CKAP2L: variants seen among roughly 807,000 people sequenced by gnomAD.
CKAP2L encodes the protein cytoskeleton-associated protein 2-like.
Under a neutral mutation model 65.7 loss-of-function variants are expected in CKAP2L, and 42 were observed. That is an observed-to-expected ratio of 0.64 (90% CI 0.50 to 0.83). The LOEUF is 0.83. Ranked by LOEUF, CKAP2L falls within the 40% of genes least tolerant of loss-of-function variation. CKAP2L has a pLI of 0.00. For missense variants in CKAP2L, 908 were observed against 871.0 expected, an observed-to-expected ratio of 1.04 and a Z score of -0.53; for synonymous variants, 325 against 313.5, an observed-to-expected ratio of 1.04 and a Z score of -0.39.
At chr2:112,739,095 AT>A in intron 8 of CKAP2L, 47 bp from the exon 9 acceptor site, 1 of 1,371,206 alleles carries the variant, frequency 7.3e-7, no homozygotes. Context: ...ATTTAAAAAA[AT>A]TATCTTTATT....
At chr2:112,741,296 T>C (rs1679946074) in intron 7 of CKAP2L, among the ~76,000 whole-genome samples, 1 of 152,022 alleles carries the variant, frequency 6.6e-6, no homozygotes, top group African/African-American at 2.4e-5. Context: ...AGTCTCCTAT[T>C]CACTCTCAAG....
chr2:112,746,800 T>C (rs1680215956), intron 5 of CKAP2L, among the ~76,000 whole-genome samples: 1 of 152,050 alleles, frequency 6.6e-6, no homozygotes, highest in African/African-American at 2.4e-5. Flanking sequence ...TTATTATTTT[T>C]TTTTTGAGAT....
rs1558756930 is a variant in CKAP2L, at chr2:112,746,344, T to C, written c.1758+76A>G. 2.4e-6 allele frequency: 3 copies of C among 1,269,038 alleles called. No individual in the cohort carries two copies. In the East Asian group the frequency reaches 7.0e-5, roughly 30 times the overall value. 78.6% of individuals were successfully genotyped at this position (1,269,038 alleles called of 1,614,324 possible). A position where few individuals can be genotyped will look rare whatever the true frequency, so the allele number is the denominator to read the frequency against. On this transcript the variant is annotated intron_variant, in intron 6 of 8. Transcript: ENST00000302450. ...TATTGATGTTGCAAACTTCTAACCA[T>C]CATATTACAAACAACAACAGAGAAC... is the stretch of plus-strand genomic sequence containing the variant.
At chr2:112,746,794 TA>T (rs1298007115) in intron 5 of CKAP2L, among the ~76,000 whole-genome samples, 12 of 152,028 alleles carry the variant, frequency 7.9e-5, no homozygotes, top group African/African-American at 2.9e-4. Flanking sequence ...TAATAATTAT[TA>T]TTTTTTTTTT....
chr2:112,739,000 T>C lies in CKAP2L; in HGVS notation c.2061A>G (p.Val687=). ...CTCGCTCAATCCTCGACGAACGCCG[T>C]ACAGGAGTGATAAATTTCATGTCTT... ...EVQDMKFITP[V]RRSSRIERAV... Residue 687 remains valine (V), a synonymous_variant, in exon 9 of 9, where the codon GTA becomes GTG. Coordinates refer to ENST00000302450, the MANE Select transcript of CKAP2L (RefSeq NM_152515.5). 1 of 1,614,200 alleles carries C rather than the reference T, an allele frequency of 6.2e-7. No individual in the cohort carries two copies. Among genetic ancestry groups the C allele is most frequent in the Non-Finnish European group, 8.5e-7 (1 of 1,180,034 alleles).
chr2:112,749,101 T>C (rs997216816), intron 5 of CKAP2L, among the ~76,000 whole-genome samples: 2 of 152,336 alleles, frequency 1.3e-5, no homozygotes, highest in African/African-American at 4.8e-5. Flanking sequence ...GTGTACGAAC[T>C]AAATTTGCTT....
chr2:112,764,591 C>G lies in CKAP2L; in HGVS notation c.8G>C (p.Gly3Ala). 6.2e-7 allele frequency: 1 copy of G among 1,614,212 alleles called. No homozygotes were observed. The highest frequency in any genetic ancestry group is 8.5e-7 in the Non-Finnish European group (1 of 1,180,028). The change falls in exon 1 of 9, where the codon GGG becomes GCG. Residue 3 changes from glycine to alanine, a missense_variant. Physicochemically the swap from Gly to Ala is moderately conservative, Grantham distance 60. Coordinates refer to ENST00000302450, the MANE Select transcript of CKAP2L (RefSeq NM_152515.5). The part of the protein sequence containing the change: MV[G>A]PGPTAAAAVE... ...AGCGGCAGCAGCGGTAGGCCCGGGC[C>G]CCACCATGACTCTTCAGTGACAGTT...
intron 6 of CKAP2L, 45 bp from the exon 7 acceptor site, chr2:112,742,814 G>A: frequency 7.0e-7 from 1 of 1,429,686 alleles, no homozygotes; most frequent in Non-Finnish European, 9.6e-7. Context: ...AAACATTCAT[G>A]CAAAAAATTT....
In CKAP2L at chr2:112,737,248, T is replaced by C. The variant is rs2104824631; in HGVS notation, c.*1575A>G. 1 of 152,266 alleles carries C rather than the reference T, an allele frequency of 6.6e-6. No homozygotes were observed. The highest frequency in any genetic ancestry group is 1.9e-4 in the East Asian group (1 of 5,182). The allele number at this position is 152,266 out of a possible 1,614,324, so 9.4% of individuals were successfully genotyped here. On this transcript the variant is annotated 3_prime_UTR_variant, in exon 9 of 9. Transcript: ENST00000302450. The stretch of plus-strand genomic sequence containing the variant: ...ATTTCATCTTCTTTGGGTACATACT[T>C]ACTCAGAAGAGGGTCAGATAACAGT...
intron 2 of CKAP2L, among the ~76,000 whole-genome samples, chr2:112,761,386 G>A (rs1680715431): frequency 6.6e-6 from 1 of 150,928 alleles, no homozygotes; most frequent in African/African-American, 2.4e-5. Flanking sequence ...GCGTGAAACT[G>A]GGAGGCAGAG....
At chr2:112,762,786 T>C (rs577627889) in intron 1 of CKAP2L, among the ~76,000 whole-genome samples, 1 of 115,774 alleles carries the variant, frequency 8.6e-6, no homozygotes, top group African/African-American at 4.4e-5. Flanking sequence ...AACTTACTAC[T>C]TTTTTTTTTT....
At position 112,741,011 on chromosome 2, in the gene CKAP2L, T is replaced by C. The variant is rs780923701; in HGVS notation, c.1823-4A>G. 6.3e-7 allele frequency: 1 copy of C among 1,590,860 alleles called. No homozygotes were observed. Among genetic ancestry groups the C allele is most frequent in the East Asian group, 2.2e-5 (1 of 44,586 alleles). On this transcript the variant is annotated splice_polypyrimidine_tract_variant and splice_region_variant and intron_variant, in intron 7 of 8. Transcript: ENST00000302450. ...ACTAAAGAGTCAGAAGTAATCCCTG[T>C]GTATGTAAGATCATGAAGGAAAGTA...
intron 5 of CKAP2L, among the ~76,000 whole-genome samples, chr2:112,749,705 A>G (rs1680309495): frequency 6.6e-6 from 1 of 152,230 alleles, no homozygotes; most frequent in Non-Finnish European, 1.5e-5. Context: ...CAAGCTATTT[A>G]GAAATGAACA....
intron 3 of CKAP2L, among the ~76,000 whole-genome samples, 157 bp from the exon 4 acceptor site, chr2:112,757,371 T>C (rs2104885997): frequency 6.7e-6 from 1 of 148,608 alleles, no homozygotes; most frequent in Non-Finnish European, 1.5e-5. Flanking sequence ...GACTCACTAA[T>C]AGGTAGTTTT....
chr2:112,762,726 A>T (rs1680762602), intron 1 of CKAP2L, among the ~76,000 whole-genome samples, 157 bp from the exon 2 acceptor site: 1 of 152,100 alleles, frequency 6.6e-6, no homozygotes, highest in Non-Finnish European at 1.5e-5. Flanking sequence ...TCAAGCTAAC[A>T]TCAACATCAA....
chr2:112,743,614 T>C (rs888679093), intron 6 of CKAP2L, among the ~76,000 whole-genome samples: 10 of 152,064 alleles, frequency 6.6e-5, no homozygotes, highest in Admixed American at 6.6e-5. Context: ...ATTTTTCTAT[T>C]TTTAGTAGAG....
Position 112,743,335 on chromosome 2 carries a change from G to A in CKAP2L, c.1759-566C>T, listed in dbSNP as rs578258011. Among the ~76,000 whole-genome samples the A allele has an allele frequency of 5.3e-5, 8 of 152,078 alleles. No homozygotes were observed. In the South Asian group the frequency reaches 1.5e-3, roughly 28 times the overall value. ...TTTTTTGTATTTTTAGTAGAGATGGGGTTTTACCGTGTTAGCCAGGATGGT... is the reference window on the plus strand; with the variant it reads ...TTTTTTGTATTTTTAGTAGAGATGGAGTTTTACCGTGTTAGCCAGGATGGT... On this transcript the variant is annotated intron_variant, in intron 6 of 8. Transcript: ENST00000302450.
At chr2:112,744,255 T>C (rs1015984887) in intron 6 of CKAP2L, among the ~76,000 whole-genome samples, 11 of 152,150 alleles carry the variant, frequency 7.2e-5, no homozygotes, top group African/African-American at 1.9e-4. Context: ...CCACAAAACA[T>C]AGGAGAGAAG....
At chr2:112,755,732 T>C (rs1458101633) in intron 4 of CKAP2L, among the ~76,000 whole-genome samples, 1 of 150,276 alleles carries the variant, frequency 6.7e-6, no homozygotes, top group Non-Finnish European at 1.5e-5. Context: ...TTCAATTTCT[T>C]AAAAAGAAAA....
Sources: allele counts gnomAD v4.1 joint callset (sites outside exome capture counted in the v4.1 genomes callset), GRCh38; gene constraint gnomAD v4.1.1; transcripts MANE v1.5; gene names NCBI Gene and HGNC (gene_info 2026-07-23, HGNC 2026-07-21).